Variants in ASCC1 observed in about 807,000 individuals in gnomAD.
ASCC1 encodes ASC-1 complex subunit P50.
Under a neutral mutation model 46.6 loss-of-function variants are expected in ASCC1, and 35 were observed. That is an observed-to-expected ratio of 0.75 (90% CI 0.57 to 0.99). The LOEUF (loss-of-function observed/expected upper bound fraction) is 0.99. Among genes scored for constraint, ASCC1 ranks in the 50% least tolerant of loss-of-function variants. The pLI, the probability that ASCC1 is intolerant of heterozygous loss-of-function variation, is 0.00. For synonymous variants in ASCC1, 143 were observed against 146.6 expected, an observed-to-expected ratio of 0.98 and a Z score of 0.18; for missense variants, 376 against 428.7, an observed-to-expected ratio of 0.88 and a Z score of 1.09.
chr10:72,194,126 T>G (rs1854995892), intron 5 of ASCC1, among the ~76,000 whole-genome samples: 1 of 151,922 alleles, frequency 6.6e-6, no homozygotes, highest in Non-Finnish European at 1.5e-5. Context: ...CCTCGTGATC[T>G]GCCCGCCTCA....
rs569996710 is a variant in ASCC1 at position 72,178,752 on chromosome 10, T to C, written c.490-17078A>G. Reference sequence around the variant, plus strand: ...GTGTGGTTTTAGGCTGCTACGATTGTGGTAATTTTTTACACAGCAATAGAA... The same window carrying C: ...GTGTGGTTTTAGGCTGCTACGATTGCGGTAATTTTTTACACAGCAATAGAA... On this transcript the variant is annotated intron_variant, in intron 5 of 9. Coordinates refer to ENST00000672957, the MANE Select transcript of ASCC1 (RefSeq NM_001198800.3). 8.5e-5 allele frequency among the ~76,000 whole-genome samples: 13 copies of C among 152,274 alleles called. No homozygotes were observed. In the South Asian group the frequency reaches 2.1e-3, roughly 24 times the overall value.
intron 5 of ASCC1, among the ~76,000 whole-genome samples, chr10:72,170,593 CA>C (rs1038487604): frequency 5.2e-3 from 309 of 58,878 alleles, no homozygotes; most frequent in African/African-American, 0.01. Flanking sequence ...GACTGTATCT[CA>C]AAAAAAAAAA....
chr10:72,212,056 C>T (rs1371365631), intron 2 of ASCC1: 1 of 153,200 alleles, frequency 6.5e-6, no homozygotes, highest in Non-Finnish European at 1.5e-5. Flanking sequence ...TGGTGGCAGG[C>T]ACCTGTAGTC....
intron 8 of ASCC1, among the ~76,000 whole-genome samples, 184 bp from the exon 9 acceptor site, chr10:72,128,351 C>G (rs1214510815): frequency 6.6e-6 from 1 of 152,206 alleles, no homozygotes; most frequent in Non-Finnish European, 1.5e-5. Flanking sequence ...GTTCTGTCAA[C>G]AATTCATTCA....
At chr10:72,109,772 A>G (rs1842723968) in intron 9 of ASCC1, among the ~76,000 whole-genome samples, 1 of 152,208 alleles carries the variant, frequency 6.6e-6, no homozygotes, top group Non-Finnish European at 1.5e-5. Context: ...CAGTCTTTCA[A>G]TTTTGAAAAA....
intron 9 of ASCC1, among the ~76,000 whole-genome samples, chr10:72,103,794 T>G (rs1564574076): frequency 6.6e-6 from 1 of 152,122 alleles, no homozygotes; most frequent in Non-Finnish European, 1.5e-5. Context: ...AAACAGGCCT[T>G]GCTAAGCCTC....
intron 4 of ASCC1, among the ~76,000 whole-genome samples, chr10:72,197,467 C>CAAAAA (rs59460393): frequency 7.0e-4 from 36 of 51,312 alleles, no homozygotes; most frequent in Admixed American, 1.2e-3. Context: ...GACTCTATCT[C>CAAAAA]AAAAAAAAAA....
intron 7 of ASCC1, among the ~76,000 whole-genome samples, chr10:72,151,857 T>C (rs1589365391): frequency 6.6e-6 from 1 of 151,880 alleles, no homozygotes; most frequent in East Asian, 1.9e-4. Context: ...CCGGCTAATT[T>C]TTTGTATTTT....
chr10:72,215,338 G>A (rs1859008106), intron 1 of ASCC1, among the ~76,000 whole-genome samples: 1 of 152,252 alleles, frequency 6.6e-6, no homozygotes, highest in African/African-American at 2.4e-5. Context: ...GGCGGAGGTT[G>A]CAGTGAGCTG....
chr10:72,135,375 T>G (rs956389034), intron 7 of ASCC1, among the ~76,000 whole-genome samples: 1 of 151,932 alleles, frequency 6.6e-6, no homozygotes, highest in Non-Finnish European at 1.5e-5. Flanking sequence ...CTATGTTAAG[T>G]AGAGTGATCA....
chr10:72,123,019 G>A (rs1844396361), intron 9 of ASCC1, among the ~76,000 whole-genome samples: 1 of 152,086 alleles, frequency 6.6e-6, no homozygotes, highest in South Asian at 2.1e-4. Flanking sequence ...TCCAAATTAA[G>A]CAGAATGAAA....
intron 7 of ASCC1, among the ~76,000 whole-genome samples, chr10:72,138,686 C>T (rs1484481760): frequency 1.3e-5 from 2 of 149,874 alleles, no homozygotes; most frequent in African/African-American, 5.0e-5. Context: ...TCACTGCAAC[C>T]TCCATCTCCC....
intron 7 of ASCC1, among the ~76,000 whole-genome samples, chr10:72,150,497 C>T (rs1848201334): frequency 6.6e-6 from 1 of 152,160 alleles, no homozygotes; most frequent in Non-Finnish European, 1.5e-5. Flanking sequence ...ATGTGGGGCT[C>T]TCTGTTCACC....
intron 7 of ASCC1, among the ~76,000 whole-genome samples, chr10:72,141,754 T>C (rs1847042299): frequency 6.6e-6 from 1 of 152,200 alleles, no homozygotes; most frequent in Non-Finnish European, 1.5e-5. Flanking sequence ...TTGTTTCCCT[T>C]ACGGTATCTG....
chr10:72,129,091 T>G (rs570278490), intron 8 of ASCC1, among the ~76,000 whole-genome samples: 7 of 152,218 alleles, frequency 4.6e-5, no homozygotes. Flanking sequence ...AAAAACTCCA[T>G]GAACATAATA....
At chr10:72,120,706 T>C (rs1025735260) in intron 9 of ASCC1, among the ~76,000 whole-genome samples, 2 of 152,020 alleles carry the variant, frequency 1.3e-5, no homozygotes, top group African/African-American at 4.8e-5. Flanking sequence ...TTTTCCTATA[T>C]AGAAGCCAAG....
intron 5 of ASCC1, chr10:72,190,528 G>A (rs1348984394): frequency 6.4e-7 from 1 of 1,560,542 alleles, no homozygotes; most frequent in Non-Finnish European, 8.7e-7. Flanking sequence ...GTTCTCGCAG[G>A]GCAGCTTGGA....
At chr10:72,132,263 G>A (rs1045124258) in intron 8 of ASCC1, among the ~76,000 whole-genome samples, 5 of 152,076 alleles carry the variant, frequency 3.3e-5, no homozygotes, top group African/African-American at 9.7e-5. Flanking sequence ...TTTGAACCAC[G>A]AGTCTTGGAA....
intron 6 of ASCC1, among the ~76,000 whole-genome samples, chr10:72,155,156 C>T (rs1235347485): frequency 1.3e-5 from 2 of 152,114 alleles, no homozygotes; most frequent in East Asian, 3.8e-4. Context: ...GAAAGTGGTA[C>T]ACTGGTTGCC....
Sources: allele counts gnomAD v4.1 joint callset (sites outside exome capture counted in the v4.1 genomes callset), GRCh38; gene constraint gnomAD v4.1.1; transcripts MANE v1.5; gene names NCBI Gene and HGNC (gene_info 2026-07-23, HGNC 2026-07-21).